KRT8: variants seen among roughly 807,000 people sequenced by gnomAD.
KRT8 encodes keratin, type II cytoskeletal 8.
In KRT8, 24 loss-of-function variants were observed where a neutral mutation model predicts 43.0. That is an observed-to-expected ratio of 0.56 (90% CI 0.40 to 0.78). KRT8 has a LOEUF of 0.78. Among genes scored for constraint, KRT8 ranks in the 30% least tolerant of loss-of-function variants. KRT8 has a pLI of 0.00. For missense variants in KRT8, 492 were observed against 638.4 expected, an observed-to-expected ratio of 0.77 and a Z score of 2.47; for synonymous variants, 214 against 261.2, an observed-to-expected ratio of 0.82 and a Z score of 1.74.
At chr12:52,931,451 C>A (rs1470406678) in intron 2 of KRT8, among the ~76,000 whole-genome samples, 3 of 152,122 alleles carry the variant, frequency 2.0e-5, no homozygotes, top group Admixed American at 2.0e-4. Flanking sequence ...GCCCCAATCC[C>A]AGAGAGTATT....
chr12:52,928,237 G>T (rs955278277), intron 2 of KRT8, among the ~76,000 whole-genome samples: 1 of 152,184 alleles, frequency 6.6e-6, no homozygotes, highest in Non-Finnish European at 1.5e-5. Context: ...GCAGAAGAGT[G>T]TGTCTCCTCT....
chr12:52,917,190 G>C (rs1941757262), intron 2 of KRT8, among the ~76,000 whole-genome samples: 1 of 152,094 alleles, frequency 6.6e-6, no homozygotes, highest in Admixed American at 6.5e-5. Flanking sequence ...AGGCTTTCAA[G>C]ACCAGCCTGA....
In KRT8 at chr12:52,949,379, G is replaced by C. The variant is rs532875586; in HGVS notation, c.-47+77C>G. 90 of 1,610,924 alleles carry C rather than the reference G, an allele frequency of 5.6e-5. No homozygotes were observed. In the Middle Eastern group the frequency reaches 1.6e-3, roughly 28 times the overall value. ...GGGGGCCTGGCCACCGGGATAGCCG[G>C]GGGTCTGGCAGGAATGGGAGGCATC... is the stretch of plus-strand genomic sequence containing the variant. On this transcript the variant is annotated intron_variant, in intron 2 of 6. Transcript: ENST00000546826.
rs57749775 is a variant in KRT8 at position 52,904,822 on chromosome 12, A to G, written c.160T>C (p.Tyr54His). ...CCTCCCATGCCGCTGGCCCCACCAT[A>G]GCCGCCGCCCAGGCCACCGCGAAAG... The change falls in exon 1 of 8, where the codon TAT becomes CAT. Residue 54 changes from tyrosine to histidine, a missense_variant. By Grantham distance (83) the Tyr-to-His change is moderately conservative. Transcript: ENST00000692008. 1,957 of 1,612,398 alleles carry G rather than the reference A, an allele frequency of 1.2e-3. 19 individuals carry two copies. In the African/African-American group the frequency reaches 0.022, roughly 19 times the overall value.
intron 2 of KRT8, among the ~76,000 whole-genome samples, chr12:52,923,604 G>C (rs969271407): frequency 3.3e-5 from 5 of 151,122 alleles, no homozygotes; most frequent in African/African-American, 1.2e-4. Flanking sequence ...ATTTTTAGTA[G>C]AGACGGGATT....
chr12:52,898,435 T>G, intron 7 of KRT8, 26 bp downstream of exon 7: 1 of 1,605,938 alleles, frequency 6.2e-7, no homozygotes, highest in Middle Eastern at 1.7e-4. Flanking sequence ...CCTCCCGCCC[T>G]CATCCCAGGG....
chr12:52,898,399 TG>T (rs1941269015), intron 7 of KRT8, 61 bp downstream of exon 7: 1 of 1,435,878 alleles, frequency 7.0e-7, no homozygotes, highest in Non-Finnish European at 9.7e-7. Context: ...GCCCCCTCCC[TG>T]GAGCTGAGGC....
chr12:52,941,704 T>G (rs895719963), intron 2 of KRT8, among the ~76,000 whole-genome samples: 39 of 151,952 alleles, frequency 2.6e-4, no homozygotes, highest in African/African-American at 8.5e-4. Flanking sequence ...GTCAGGCTGG[T>G]CTCGAACTCC....
chr12:52,937,549 A>T (rs921147024), intron 2 of KRT8, among the ~76,000 whole-genome samples: 1 of 151,448 alleles, frequency 6.6e-6, no homozygotes, highest in African/African-American at 2.4e-5. Context: ...TTAGCCAGGC[A>T]TGGTGGCATG....
chr12:52,925,500 T>A (rs1941971859), intron 2 of KRT8, among the ~76,000 whole-genome samples: 1 of 152,084 alleles, frequency 6.6e-6, no homozygotes, highest in South Asian at 2.1e-4. Context: ...CCTGCAGGTA[T>A]CCCCCTCCGT....
intron 2 of KRT8, chr12:52,926,341 A>ACAAGGCCC: frequency 3.1e-6 from 1 of 322,126 alleles, no homozygotes; most frequent in Non-Finnish European, 5.8e-6. Flanking sequence ...TGCCCTCCCC[A>ACAAGGCCC]CCCCACCCCC....
upstream of KRT8, among the ~76,000 whole-genome samples, chr12:52,909,614 A>T (rs1428492425): frequency 3.9e-5 from 6 of 152,166 alleles, no homozygotes; most frequent in East Asian, 5.8e-4. Flanking sequence ...AGAGGGAGCA[A>T]CCTCCTGTAC....
At chr12:52,906,368 G>A (rs1191782818), upstream of KRT8, among the ~76,000 whole-genome samples, 1 of 152,190 alleles carries the variant, frequency 6.6e-6, no homozygotes, top group Non-Finnish European at 1.5e-5. Context: ...ACGGCAGGGG[G>A]TACAGTGGAG....
chr12:52,938,781 T>C (rs372386462), intron 2 of KRT8, among the ~76,000 whole-genome samples: 1 of 152,020 alleles, frequency 6.6e-6, no homozygotes, highest in South Asian at 2.1e-4. Context: ...CCAGTCCCGG[T>C]TAATTTTTTG....
chr12:52,897,600 T>C (rs1022008752), exon 8 of KRT8: 8 of 1,597,988 alleles, frequency 5.0e-6, no homozygotes, highest in African/African-American at 1.3e-5. Flanking sequence ...GAGGCCCCCA[T>C]AGGCCGAGCT....
chr12:52,918,420 C>G (rs899263485), intron 2 of KRT8, among the ~76,000 whole-genome samples: 2 of 152,228 alleles, frequency 1.3e-5, no homozygotes, highest in Non-Finnish European at 2.9e-5. Flanking sequence ...AAGATCCCAC[C>G]AGGCCGAGAT....
intron 2 of KRT8, among the ~76,000 whole-genome samples, chr12:52,927,789 G>T (rs1350939737): frequency 6.6e-6 from 1 of 152,194 alleles, no homozygotes; most frequent in Non-Finnish European, 1.5e-5. Flanking sequence ...CTAGAACAGG[G>T]AGTGCTCAGC....
chr12:52,944,035 G>C (rs1360267339), intron 2 of KRT8, among the ~76,000 whole-genome samples: 1 of 152,202 alleles, frequency 6.6e-6, no homozygotes, highest in Non-Finnish European at 1.5e-5. Flanking sequence ...AAAGAACAAG[G>C]GGGCTGGGAA....
chr12:52,943,901 CTCTGT>C (rs1176836939), intron 2 of KRT8, among the ~76,000 whole-genome samples: 1 of 152,224 alleles, frequency 6.6e-6, no homozygotes. Flanking sequence ...TTCTTGGCCA[CTCTGT>C]TCTTCCATTT....
Sources: allele counts gnomAD v4.1 joint callset (sites outside exome capture counted in the v4.1 genomes callset), GRCh38; gene constraint gnomAD v4.1.1; transcripts MANE v1.5; gene names NCBI Gene and HGNC (gene_info 2026-07-23, HGNC 2026-07-21).